LAMA4: variants seen among roughly 807,000 people sequenced by gnomAD.
LAMA4 encodes laminin subunit alpha 4.
LAMA4 carries 127 observed loss-of-function variants against 207.1 expected under a neutral mutation model. That is an observed-to-expected ratio of 0.61 (90% confidence interval 0.53 to 0.71). LAMA4 has a LOEUF of 0.71. Ranked by LOEUF, LAMA4 falls within the 30% of genes least tolerant of loss-of-function variation. The pLI is 0.00. For synonymous variants in LAMA4, 761 were observed against 816.0 expected (o/e 0.93, Z 1.15); for missense variants, 2,093 against 2,246.5 (o/e 0.93, Z 1.38).
intron 3 of LAMA4, among the ~76,000 whole-genome samples, chr6:112,210,676 T>C (rs189752995): frequency 7.9e-5 from 12 of 152,186 alleles, no homozygotes; most frequent in Admixed American, 7.9e-4. Flanking sequence ...ATGTTTCTTA[T>C]ATTTTGCATT....
intron 2 of LAMA4, among the ~76,000 whole-genome samples, chr6:112,235,872 T>A (rs1785883199): frequency 6.6e-6 from 1 of 152,090 alleles, no homozygotes; most frequent in Admixed American, 6.5e-5. Flanking sequence ...ATGAAAGAAA[T>A]GGGATGCATG....
At position 112,199,287 on chromosome 6, in the gene LAMA4, G is replaced by T. The variant is rs117365750; in HGVS notation, c.503+2321C>A. Among the ~76,000 whole-genome samples the T allele has an allele frequency of 2.2e-3, 341 of 152,246 alleles. 3 individuals are homozygous for T. In the East Asian group the frequency reaches 0.035, roughly 16 times the overall value. The stretch of plus-strand genomic sequence containing the variant: ...TTAGGGTCCAGGTGATTTCACTTCT[G>T]CGAGCTTTGCATTTGGTCAGCAGGG... On this transcript the variant is annotated intron_variant, in intron 5 of 38. Coordinates refer to ENST00000230538, the MANE Select transcript of LAMA4 (RefSeq NM_001105206.3).
intron 12 of LAMA4, chr6:112,166,265 G>A (rs1387255251): frequency 6.6e-6 from 1 of 152,168 alleles, no homozygotes; most frequent in African/African-American, 2.4e-5. Flanking sequence ...TATGGGGTAG[G>A]TGTAGGTCTA....
At chr6:112,148,519 A>G (rs1213603388) in intron 17 of LAMA4, among the ~76,000 whole-genome samples, 183 bp from the exon 18 acceptor site, 1 of 152,236 alleles carries the variant, frequency 6.6e-6, no homozygotes, top group African/African-American at 2.4e-5. Context: ...GTAAATTTAA[A>G]AAGAAGAGTA....
intron 9 of LAMA4, 64 bp from the exon 10 acceptor site, chr6:112,178,296 A>G: frequency 8.6e-7 from 1 of 1,161,206 alleles, no homozygotes; most frequent in Non-Finnish European, 1.3e-6. Context: ...ATAAGCACAG[A>G]TAGGGGTGGG....
At position 112,254,516 on chromosome 6, in the gene LAMA4, C is replaced by T; in HGVS notation, c.-199G>A. 2 of 364,492 alleles carry T rather than the reference C, an allele frequency of 5.5e-6. No homozygotes were observed. Among genetic ancestry groups the T allele is most frequent in the Non-Finnish European group, 1.0e-5 (2 of 190,738 alleles). The allele number at this position is 364,492 out of a possible 1,614,324, so 22.6% of individuals were successfully genotyped here. ...GAGCCCCGCCAGCGCTAGGCCACCT[C>T]CTCTCCCTGGCCGTTCGGGACTGGG... On this transcript the variant is annotated 5_prime_UTR_variant, in exon 1 of 39. Transcript: ENST00000230538.
In LAMA4 at chr6:112,177,639, G is replaced by A. The variant is rs934229617; in HGVS notation, c.1189+482C>T. Among the ~76,000 whole-genome samples, 8 of 152,248 alleles carry A rather than the reference G, an allele frequency of 5.3e-5. No homozygotes were observed. In the East Asian group the frequency reaches 5.8e-4, roughly 11 times the overall value. ...GGACAAAGAAATCTCCCACAGCCCC[G>A]CTCCTTCCTTTTCTTCTGGGTTGGG... On this transcript the variant is annotated intron_variant, in intron 10 of 38. Transcript: ENST00000230538.
intron 3 of LAMA4, among the ~76,000 whole-genome samples, chr6:112,212,782 C>G (rs79585416): frequency 0.011 from 1,660 of 152,268 alleles, 14 homozygotes; most frequent in Middle Eastern, 0.02. Flanking sequence ...AAAACAGGAA[C>G]AAGAAGTCTC....
Position 112,117,884 on chromosome 6 carries a change from G to A in LAMA4, c.4836C>T (p.Tyr1612=). The A allele has an allele frequency of 3.7e-6, 6 of 1,613,396 alleles. No individual in the cohort carries two copies. Among genetic ancestry groups the A allele is most frequent in the Non-Finnish European group, 5.1e-6 (6 of 1,179,470 alleles). The change falls in exon 35 of 39, where the codon TAC becomes TAT. Residue 1612 remains tyrosine (Y), a synonymous_variant. Transcript: ENST00000230538. This position sits in a 1 kb window ranked among gnomAD's most constrained non-coding sequence, Gnocchi z 4.5. ...AVKNVQINSI[Y]SFSGCLSNLQ... ...GATTGCTGAGACAGCCACTAAAACTGTAGATGGAGTTAATCTGAGGGAAGA... is the reference window on the plus strand; with the variant it reads ...GATTGCTGAGACAGCCACTAAAACTATAGATGGAGTTAATCTGAGGGAAGA...
chr6:112,214,092 A>G, intron 3 of LAMA4: 1 of 722,214 alleles, frequency 1.4e-6, no homozygotes, highest in East Asian at 2.6e-5. Flanking sequence ...GCACCAAAGG[A>G]AACAGAAAAA....
intron 2 of LAMA4, chr6:112,218,820 C>T (rs1296574358): frequency 6.6e-6 from 1 of 152,258 alleles, no homozygotes; most frequent in Non-Finnish European, 1.5e-5. Flanking sequence ...CATTTGGCCC[C>T]CCGCCGAGAG....
chr6:112,230,243 T>C (rs539913812), intron 2 of LAMA4, among the ~76,000 whole-genome samples: 5 of 152,226 alleles, frequency 3.3e-5, no homozygotes, highest in Non-Finnish European at 7.3e-5. Context: ...CAAATGTGCT[T>C]ACATTTAAGA....
chr6:112,190,887 CTT>C (rs1225168109), intron 6 of LAMA4, among the ~76,000 whole-genome samples: 1 of 62,132 alleles, frequency 1.6e-5, no homozygotes, highest in Non-Finnish European at 3.2e-5. Flanking sequence ...TTCTTTCTTT[CTT>C]TCTTTCTTTC....
At chr6:112,149,304 G>A (rs1165752222) in intron 17 of LAMA4, among the ~76,000 whole-genome samples, 1 of 152,046 alleles carries the variant, frequency 6.6e-6, no homozygotes, top group African/African-American at 2.4e-5. Context: ...GTTCATATCA[G>A]CCTGAAGGCA....
At chr6:112,236,072 G>A (rs1785898062) in intron 2 of LAMA4, 1 of 152,170 alleles carries the variant, frequency 6.6e-6, no homozygotes, top group Admixed American at 6.5e-5. Context: ...CCCCCGTGAC[G>A]GCGTCCCTGC....
intron 15 of LAMA4, 92 bp from the exon 16 acceptor site, chr6:112,155,039 T>A (rs912744223): frequency 6.9e-6 from 6 of 868,140 alleles, no homozygotes; most frequent in Admixed American, 3.4e-5. Flanking sequence ...GTTTATCTGC[T>A]AAACACCAAG....
At chr6:112,238,940 T>A (rs1786147783) in intron 2 of LAMA4, among the ~76,000 whole-genome samples, 1 of 152,136 alleles carries the variant, frequency 6.6e-6, no homozygotes, top group African/African-American at 2.4e-5. Flanking sequence ...CTGAATTGTG[T>A]CCCCTCAAAA....
At chr6:112,190,255 A>T (rs1782936673) in intron 6 of LAMA4, among the ~76,000 whole-genome samples, 1 of 152,170 alleles carries the variant, frequency 6.6e-6, no homozygotes, top group Non-Finnish European at 1.5e-5. Flanking sequence ...TTTTGCCAAC[A>T]TTATTTCTGC....
At chr6:112,223,749 C>A (rs1386710144) in intron 2 of LAMA4, among the ~76,000 whole-genome samples, 4 of 152,214 alleles carry the variant, frequency 2.6e-5, no homozygotes, top group Non-Finnish European at 4.4e-5. Context: ...GTGAAAGTGA[C>A]TGGCAGGACA....
Sources: allele counts gnomAD v4.1 joint callset (sites outside exome capture counted in the v4.1 genomes callset), GRCh38; gene constraint gnomAD v4.1.1; non-coding constraint Gnocchi (gnomAD v3.1); transcripts MANE v1.5; gene names NCBI Gene and HGNC (gene_info 2026-07-23, HGNC 2026-07-21).